Variants in TMEM243 observed in about 807,000 individuals in gnomAD.
The protein encoded by TMEM243 is transmembrane protein 243, also known as MDR1 and mitochondrial taxol resistance associated.
A neutral mutation model predicts 15.0 loss-of-function variants in TMEM243; 20 were observed. The observed-to-expected ratio is 1.33, with a 90% CI of 0.94 to 1.93. TMEM243 has a LOEUF of 1.93. Ranked by LOEUF, TMEM243 falls within the 30% of genes most tolerant of loss-of-function variation. The pLI, the probability that TMEM243 is intolerant of heterozygous loss-of-function variation, is 0.00. For missense variants in TMEM243, 156 were observed against 142.1 expected (o/e 1.10, Z -0.50); for synonymous variants, 72 against 52.7 (o/e 1.37, Z -1.59).
chr7:87,216,359 T>C (rs536329658), intron 1 of TMEM243, among the ~76,000 whole-genome samples: 1 of 151,466 alleles, frequency 6.6e-6, no homozygotes, highest in South Asian at 2.1e-4. Context: ...AGTGGGGGAA[T>C]TGCTTGAGCC....
chr7:87,214,113 C>T (rs1802948283), intron 1 of TMEM243, among the ~76,000 whole-genome samples: 1 of 152,162 alleles, frequency 6.6e-6, no homozygotes, highest in African/African-American at 2.4e-5. Flanking sequence ...CCTTCTTTTC[C>T]CATTTGCCCT....
chr7:87,217,329 G>T (rs1378268692), intron 1 of TMEM243, among the ~76,000 whole-genome samples: 1 of 152,180 alleles, frequency 6.6e-6, no homozygotes, highest in Non-Finnish European at 1.5e-5. Context: ...ACACACAAGA[G>T]CAAGGGATGG....
chr7:87,203,170 T>A (rs979254316), intron 1 of TMEM243: 1 of 152,222 alleles, frequency 6.6e-6, no homozygotes, highest in Non-Finnish European at 1.5e-5. Flanking sequence ...TCCATTTCCA[T>A]GGCAATGTTT....
intron 1 of TMEM243, among the ~76,000 whole-genome samples, chr7:87,213,408 T>C (rs1802896024): frequency 6.6e-6 from 1 of 152,348 alleles, no homozygotes; most frequent in East Asian, 1.9e-4. Flanking sequence ...TGTTTCACCT[T>C]TGGGTGACTA....
chr7:87,198,013 T>C lies in TMEM243; in HGVS notation c.162A>G (p.Gln54=), dbSNP rs201194367. ...VTLISAFVFP[Q]LPPKPLNIFF... ...ATATATTCAACGGTTTTGGAGGTAGTTGAGGGAAAACAAAAGCACTTATCA... is the reference window on the plus strand; with the variant it reads ...ATATATTCAACGGTTTTGGAGGTAGCTGAGGGAAAACAAAAGCACTTATCA... The change falls in exon 3 of 4, where the codon CAA becomes CAG. Residue 54 remains glutamine, a synonymous_variant. Transcript: ENST00000257637. The C allele has an allele frequency of 6.2e-6, 10 of 1,612,692 alleles. No individual in the cohort carries two copies. In the Admixed American group the frequency reaches 1.7e-4, roughly 27 times the overall value.
rs1253252817 is a variant in TMEM243, at chr7:87,197,943, G to C, written c.232C>G (p.Leu78Val). ...TTTAAATTCTCAACAGTACTTACAA[G>C]TATGCAGGCAGTAATACTACTCAAA... Reference protein sequence around the residue: ...ISLSSITACILIYWYRQGDLE... With the variant: ...ISLSSITACIVIYWYRQGDLE... The change falls in exon 3 of 4, where the codon CTT becomes GTT. Residue 78 changes from leucine to valine, a missense_variant and splice_region_variant. Leu to Val is a conservative substitution (Grantham distance 32). Transcript: ENST00000257637. 1 of 1,613,010 alleles carries C rather than the reference G, an allele frequency of 6.2e-7. No homozygotes were observed. The highest frequency in any genetic ancestry group is 1.1e-5 in the South Asian group (1 of 91,050).
chr7:87,206,724 G>A (rs1241271985), intron 1 of TMEM243, among the ~76,000 whole-genome samples: 1 of 152,204 alleles, frequency 6.6e-6, no homozygotes, highest in African/African-American at 2.4e-5. Context: ...GACCATGGCT[G>A]ACCACAGGTA....
rs576299032 is a variant in TMEM243 at position 87,200,508 on chromosome 7, A to G, written c.79-1451T>C. 3.3e-5 allele frequency among the ~76,000 whole-genome samples: 5 copies of G among 152,324 alleles called. No homozygotes were observed. The East Asian group carries it at 9.6e-4, about 29-fold the overall frequency. ...GCTCTCTGAGCGCCAGGGATTTCCA[A>G]AATGAAGCACTGCATACCTCATAAC... On this transcript the variant is annotated intron_variant, in intron 1 of 3. Coordinates refer to ENST00000257637, the MANE Select transcript of TMEM243 (RefSeq NM_024315.4).
intron 1 of TMEM243, among the ~76,000 whole-genome samples, chr7:87,217,725 T>C (rs1211429995): frequency 6.6e-6 from 1 of 152,240 alleles, no homozygotes; most frequent in Non-Finnish European, 1.5e-5. Flanking sequence ...CCCTAAAGTT[T>C]CCTAAATAAT....
chr7:87,197,616 G>A (rs753741454), intron 3 of TMEM243: 5 of 732,340 alleles, frequency 6.8e-6, no homozygotes, highest in Non-Finnish European at 9.9e-6. Context: ...AAGACTGTTG[G>A]CCCTTACGTA....
intron 1 of TMEM243, among the ~76,000 whole-genome samples, chr7:87,212,642 G>A (rs1277513949): frequency 1.3e-5 from 2 of 152,156 alleles, no homozygotes; most frequent in Admixed American, 6.5e-5. Flanking sequence ...TTGCATGAGA[G>A]CTTGAAGCAC....
At chr7:87,207,786 T>TAGAC (rs1277884089) in intron 1 of TMEM243, among the ~76,000 whole-genome samples, 3 of 152,158 alleles carry the variant, frequency 2.0e-5, no homozygotes, top group African/African-American at 4.8e-5. Flanking sequence ...GGGAGTCCTA[T>TAGAC]AGACCCACAT....
intron 3 of TMEM243, 188 bp downstream of exon 3, chr7:87,197,753 C>G (rs1281159391): frequency 1.4e-5 from 12 of 879,084 alleles, no homozygotes; most frequent in Non-Finnish European, 1.7e-5. Context: ...TTTGGGGTTA[C>G]AACTTTGGGA....
At chr7:87,216,039 G>C (rs1410795258) in intron 1 of TMEM243, among the ~76,000 whole-genome samples, 4 of 152,088 alleles carry the variant, frequency 2.6e-5, no homozygotes, top group Non-Finnish European at 5.9e-5. Context: ...GGGAGGCCGA[G>C]GCGGGCAGAT....
chr7:87,212,770 T>G (rs1400317527), intron 1 of TMEM243, among the ~76,000 whole-genome samples: 3 of 152,214 alleles, frequency 2.0e-5, no homozygotes, highest in African/African-American at 7.2e-5. Flanking sequence ...ATTCTCACTT[T>G]GCTTAAAACT....
upstream of TMEM243, chr7:87,219,810 G>A (rs1286611502): frequency 7.6e-6 from 3 of 397,076 alleles, no homozygotes; most frequent in African/African-American, 6.3e-5. Flanking sequence ...TCAAATCTCA[G>A]CCCTTGGCGC....
At chr7:87,216,037 G>A (rs567493426) in intron 1 of TMEM243, among the ~76,000 whole-genome samples, 100 of 152,166 alleles carry the variant, frequency 6.6e-4, no homozygotes, top group South Asian at 2.3e-3. Context: ...TTGGGAGGCC[G>A]AGGCGGGCAG....
Position 87,219,685 on chromosome 7 carries a change from G to A in TMEM243, c.-182C>T, listed in dbSNP as rs967835967. On this transcript the variant is annotated 5_prime_UTR_variant, in exon 1 of 4. Transcript: ENST00000257637. ...CACACGCGGGGAACGCGACTGCTCC[G>A]CCCCGGCCCCGCGCACCTCCTCATC... 4 of 601,932 alleles carry A rather than the reference G, an allele frequency of 6.6e-6. No individual in the cohort carries two copies. The highest frequency in any genetic ancestry group is 2.8e-5 in the East Asian group (1 of 35,466). 37.3% of individuals were successfully genotyped at this position (601,932 alleles called of 1,614,324 possible). A position where few individuals can be genotyped will look rare whatever the true frequency, so the allele number is the denominator to read the frequency against.
chr7:87,209,814 G>GCGAGAGAC (rs1802587178), intron 1 of TMEM243, among the ~76,000 whole-genome samples: 8 of 143,022 alleles, frequency 5.6e-5, no homozygotes, highest in African/African-American at 2.0e-4. Flanking sequence ...GAGAGACAGT[G>GCGAGAGAC]AGAGAGCGAG....
Sources: allele counts gnomAD v4.1 joint callset (sites outside exome capture counted in the v4.1 genomes callset), GRCh38; gene constraint gnomAD v4.1.1; transcripts MANE v1.5; gene names NCBI Gene and HGNC (gene_info 2026-07-23, HGNC 2026-07-21).